The following PRELID1 variants were observed in gnomAD, a reference collection of about 807,000 sequenced individuals.
The protein encoded by PRELID1 is PRELI domain-containing protein 1, mitochondrial.
In PRELID1, 15 loss-of-function variants were observed where a neutral mutation model predicts 29.0. The ratio of observed to expected loss-of-function variants is 0.52; its 90% CI spans 0.35 to 0.80. The LOEUF is 0.80. PRELID1 is among the 30% of genes least tolerant of loss of function. The pLI is 0.01. For missense variants in PRELID1, 187 were observed against 275.9 expected, an observed-to-expected ratio of 0.68 and a Z score of 2.28; for synonymous variants, 79 against 106.5, an observed-to-expected ratio of 0.74 and a Z score of 1.59.
rs1414150598 is a variant in PRELID1, at chr5:177,305,856, T to C, written c.319-15T>C. 2 of 1,607,852 alleles carry C rather than the reference T, an allele frequency of 1.2e-6. No individual in the cohort carries two copies. Among genetic ancestry groups the C allele is most frequent in the South Asian group, 2.2e-5 (2 of 90,900 alleles). On this transcript the variant is annotated splice_polypyrimidine_tract_variant and intron_variant, in intron 2 of 4. Transcript: ENST00000303204. ...ATGAAAGACTGTTCCACGATTGTGG[T>C]TGGCCTCTGCATAGGTGGTGGAGGA...
chr5:177,305,644 A>C (rs1760847832), intron 2 of PRELID1: 1 of 553,392 alleles, frequency 1.8e-6, no homozygotes. Context: ...ATCTCAAGAG[A>C]GAGACCTTTT....
intron 2 of PRELID1, among the ~76,000 whole-genome samples, chr5:177,305,110 T>C (rs757498741): frequency 6.6e-6 from 1 of 152,212 alleles, no homozygotes; most frequent in Non-Finnish European, 1.5e-5. Flanking sequence ...TCCTAAGTTC[T>C]AAATGCAAAG....
rs766183228 is a variant in PRELID1 at position 177,304,627 on chromosome 5, A to G, written c.95A>G (p.Lys32Arg). ...CACCTTCACCCTGACACCTGCAGCA[A>G]ACATGTCTTGACGGAAGACATAGTA... ...FWQRYPNPYS[K>R]HVLTEDIVHR... The change falls in exon 2 of 5, where the codon AAA becomes AGA. Residue 32 changes from lysine to arginine, a missense_variant and splice_region_variant. Physicochemically the swap from Lys to Arg is conservative, Grantham distance 26 (BLOSUM62 2). Coordinates refer to ENST00000303204, the MANE Select transcript of PRELID1 (RefSeq NM_013237.4). The G allele has an allele frequency of 6.2e-7, 1 of 1,612,290 alleles. No homozygotes were observed. Among genetic ancestry groups the G allele is most frequent in the South Asian group, 1.1e-5 (1 of 91,024 alleles).
At position 177,306,520 on chromosome 5, in the gene PRELID1, G is replaced by A. The variant is rs1434318950; in HGVS notation, c.610G>A (p.Ala204Thr). 10 of 1,612,350 alleles carry A rather than the reference G, an allele frequency of 6.2e-6. No homozygotes were observed. Among genetic ancestry groups the A allele is most frequent in the African/African-American group, 2.7e-5 (2 of 74,804 alleles). Reference protein sequence around the residue: ...LAATEKAKDLASKAATKKQQQ... With the variant: ...LAATEKAKDLTSKAATKKQQQ... ...AGCTACAGAGAAGGCCAAGGACCTC[G>A]CCAGCAAGGCGGCCACCAAGAAGCA... is the stretch of plus-strand genomic sequence containing the variant. The change falls in exon 5 of 5, where the codon GCC becomes ACC. Residue 204 changes from alanine (A) to threonine (T), a missense_variant. Physicochemically the swap from Ala to Thr is moderately conservative, Grantham distance 58. Coordinates refer to ENST00000303204, the MANE Select transcript of PRELID1 (RefSeq NM_013237.4).
chr5:177,306,006 G>A, intron 3 of PRELID1, 22 bp downstream of exon 3: 3 of 1,609,422 alleles, frequency 1.9e-6, no homozygotes, highest in Non-Finnish European at 2.6e-6. Context: ...TGTTGGGGCT[G>A]CTGGGGCTCT....
intron 3 of PRELID1, 49 bp downstream of exon 3, chr5:177,306,033 G>A (rs761349737): frequency 5.0e-6 from 8 of 1,600,870 alleles, no homozygotes; most frequent in South Asian, 1.1e-5. Flanking sequence ...CAGTGCTTTC[G>A]GTGTTGGGGC....
At chr5:177,304,905 TAGAG>T in intron 2 of PRELID1, 55 bp downstream of exon 2, 5 of 1,454,046 alleles carry the variant, frequency 3.4e-6, no homozygotes, top group Non-Finnish European at 3.8e-6. Flanking sequence ...CCCCCCGAGA[TAGAG>T]AGCTCCTCAG....
intron 1 of PRELID1, 71 bp downstream of exon 1, chr5:177,304,148 A>G (rs1760792700): frequency 1.4e-6 from 2 of 1,406,722 alleles, no homozygotes; most frequent in Non-Finnish European, 2.0e-6. Context: ...GTAACCCCCA[A>G]GTACTGGGAC....
chr5:177,305,720 G>C, intron 2 of PRELID1, 151 bp from the exon 3 acceptor site: 1 of 663,154 alleles, frequency 1.5e-6, no homozygotes, highest in South Asian at 1.8e-5. Context: ...ATGGCTTCTT[G>C]TTCTGTCAGT....
Position 177,305,880 on chromosome 5 carries a change from G to A in PRELID1, c.328G>A (p.Glu110Lys). 1 of 1,613,814 alleles carries A rather than the reference G, an allele frequency of 6.2e-7. No homozygotes were observed. Among genetic ancestry groups the A allele is most frequent in the Middle Eastern group, 1.7e-4 (1 of 5,794 alleles). The part of the protein sequence containing the change: ...INHARLMVVE[E>K]RCVYCVNSDN... The stretch of plus-strand genomic sequence containing the variant: ...GTTGGCCTCTGCATAGGTGGTGGAG[G>A]AACGATGTGTTTACTGTGTGAACTC... The change falls in exon 3 of 5, where the codon GAA becomes AAA. Residue 110 changes from glutamate (E) to lysine (K), a missense_variant. By Grantham distance (56) the Glu-to-Lys change is moderately conservative. Transcript: ENST00000303204.
rs896010292 is a variant in PRELID1, at chr5:177,306,674, G to A, written c.*104G>A. On this transcript the variant is annotated 3_prime_UTR_variant, in exon 5 of 5. Transcript: ENST00000303204. ...AAATCAACTTCCAGCCCTGTCTGCT[G>A]TCTACGTGGTGGGTTGTGGGGATGC... 2.7e-6 allele frequency: 4 copies of A among 1,469,700 alleles called. No homozygotes were observed. The East Asian group carries it at 7.4e-5, about 27-fold the overall frequency. 91.0% of individuals were successfully genotyped at this position (1,469,700 alleles called of 1,614,324 possible).
chr5:177,304,954 G>C, intron 2 of PRELID1, 104 bp downstream of exon 2: 1 of 1,155,882 alleles, frequency 8.7e-7, no homozygotes, highest in Non-Finnish European at 1.2e-6. Context: ...GGCAGCTTTT[G>C]TGGCCGGAGG....
chr5:177,306,369 T>G (rs1282340350), intron 4 of PRELID1, 53 bp from the exon 5 acceptor site: 2 of 1,611,244 alleles, frequency 1.2e-6, no homozygotes, highest in African/African-American at 2.7e-5. Flanking sequence ...GGAGGGAAAT[T>G]AGGTTGGTCT....
intron 2 of PRELID1, chr5:177,305,549 T>A (rs1016883159): frequency 6.3e-6 from 2 of 319,454 alleles, no homozygotes; most frequent in African/African-American, 4.3e-5. Context: ...GAGCTGCAGC[T>A]GGTGGAAGGC....
Sources: gnomAD v4.1 joint callset for allele counts (sites outside exome capture counted in the v4.1 genomes callset) on GRCh38, gnomAD v4.1.1 for gene constraint, MANE v1.5 for transcripts, NCBI Gene and HGNC (gene_info 2026-07-23, HGNC 2026-07-21) for gene names.